Variants in UGGT2 observed in about 807,000 individuals in gnomAD.
UGGT2 encodes the protein UDP-glucose:glycoprotein glucosyltransferase 2.
In UGGT2, 180 loss-of-function variants were observed where a neutral mutation model predicts 192.1. The ratio of observed to expected loss-of-function variants is 0.94; its 90% CI spans 0.83 to 1.06. UGGT2 has a LOEUF of 1.06. Ranked by LOEUF, UGGT2 falls within the 50% of genes least tolerant of loss-of-function variation. UGGT2 has a pLI of 0.00. For synonymous variants in UGGT2, 580 were observed against 591.0 expected (o/e 0.98, Z 0.27); for missense variants, 1,849 against 1,795.7 (o/e 1.03, Z -0.54).
intron 12 of UGGT2, among the ~76,000 whole-genome samples, chr13:95,958,155 A>ATT (rs879372795): frequency 6.9e-6 from 1 of 145,688 alleles, no homozygotes; most frequent in Admixed American, 6.9e-5. Context: ...AGAAGGCAGA[A>ATT]TTTTTTTTTT....
rs2051177274 is a variant in UGGT2, at chr13:95,983,055, AG to A, written c.1092+748del. 2.0e-5 allele frequency among the ~76,000 whole-genome samples: 3 copies of A among 152,312 alleles called. No individual in the cohort carries two copies. The South Asian group carries it at 6.2e-4, about 32-fold the overall frequency. On this transcript the variant is annotated intron_variant, in intron 10 of 38. Transcript: ENST00000376747. ...GCCACTTCTCCTTTGCTTCGTTATTAGAAAAGTAAACACTAGCTTTTCTAGC... is the reference window on the plus strand; with the variant it reads ...GCCACTTCTCCTTTGCTTCGTTATTAAAAAGTAAACACTAGCTTTTCTAGC...
Position 95,884,544 on chromosome 13 carries a change from A to C in UGGT2, c.3175T>G (p.Leu1059Val), listed in dbSNP as rs1179738090. ...ILNMITPEGW[L>V]VETVHSNCDL... ...CAGTTGCTGTGCACTGTTTCAACCA[A>C]CCAGCCTTCTGGAGTAATCATGTTG... Residue 1059 changes from leucine to valine, a missense_variant, in exon 27 of 39, where the codon TTG becomes GTG. Transcript: ENST00000376747. 5 of 1,613,816 alleles carry C rather than the reference A, an allele frequency of 3.1e-6. No individual in the cohort carries two copies. Among genetic ancestry groups the C allele is most frequent in the Non-Finnish European group, 4.2e-6 (5 of 1,179,940 alleles).
chr13:96,031,143 T>C (rs912658016), intron 2 of UGGT2, among the ~76,000 whole-genome samples: 2 of 152,134 alleles, frequency 1.3e-5, no homozygotes, highest in African/African-American at 2.4e-5. Context: ...TATTTATGTG[T>C]AGGGGAAGGG....
chr13:95,913,322 T>C (rs78087692), intron 20 of UGGT2, among the ~76,000 whole-genome samples: 1 of 151,780 alleles, frequency 6.6e-6, no homozygotes, highest in East Asian at 1.9e-4. Context: ...TGGGAGAAAA[T>C]TTTTGCAATC....
chr13:96,001,268 T>C (rs568577668), intron 5 of UGGT2, among the ~76,000 whole-genome samples: 40 of 152,312 alleles, frequency 2.6e-4, no homozygotes, highest in African/African-American at 9.1e-4. Flanking sequence ...GGTCCTTGCC[T>C]TAAATGATGA....
chr13:96,002,445 G>A (rs2051837340), intron 5 of UGGT2, among the ~76,000 whole-genome samples: 2 of 152,134 alleles, frequency 1.3e-5, no homozygotes, highest in South Asian at 4.1e-4. Flanking sequence ...TAAAATTGAA[G>A]TTCTCTGAGA....
intron 38 of UGGT2, among the ~76,000 whole-genome samples, chr13:95,831,427 A>T (rs1393131271): frequency 6.6e-6 from 1 of 152,134 alleles, no homozygotes; most frequent in Non-Finnish European, 1.5e-5. Context: ...TTTAACTTAA[A>T]ATATGCTGCC....
intron 17 of UGGT2, among the ~76,000 whole-genome samples, chr13:95,932,280 C>T (rs1025079745): frequency 2.7e-5 from 4 of 149,704 alleles, no homozygotes; most frequent in African/African-American, 9.9e-5. Flanking sequence ...TCTTTCATCT[C>T]CTTAGTTAGC....
At chr13:95,854,612 T>C (rs1231651409) in intron 34 of UGGT2, 137 bp from the exon 35 acceptor site, 2 of 661,498 alleles carry the variant, frequency 3.0e-6, no homozygotes, top group African/African-American at 1.9e-5. Flanking sequence ...TCATGTAATA[T>C]GAATTTACTG....
chr13:95,914,889 G>A (rs1419884640), intron 20 of UGGT2, among the ~76,000 whole-genome samples: 2 of 151,892 alleles, frequency 1.3e-5, no homozygotes, highest in Non-Finnish European at 2.9e-5. Context: ...TGATAGTTCT[G>A]ATATAGACAT....
In UGGT2 at chr13:95,936,915, C is replaced by A; in HGVS notation, c.1977+9G>T. 1 of 1,510,266 alleles carries A rather than the reference C, an allele frequency of 6.6e-7. No homozygotes were observed. Among genetic ancestry groups the A allele is most frequent in the Non-Finnish European group, 8.8e-7 (1 of 1,133,380 alleles). The allele number at this position is 1,510,266 out of a possible 1,614,324, so 93.6% of individuals were successfully genotyped here. On this transcript the variant is annotated intron_variant, in intron 17 of 38. Transcript: ENST00000376747. ...TTCATCATGTATTTTCTTATAAATG[C>A]TTACCTACCAAAAAAACTTCTCTTT...
rs1389719053 is a variant in UGGT2 at position 95,970,274 on chromosome 13, A to G, written c.1185-12T>C. The G allele has an allele frequency of 1.9e-6, 3 of 1,578,330 alleles. No individual in the cohort carries two copies. The highest frequency in any genetic ancestry group is 1.4e-5 in the African/African-American group (1 of 72,842). On this transcript the variant is annotated splice_polypyrimidine_tract_variant and intron_variant, in intron 11 of 38. Coordinates refer to ENST00000376747, the MANE Select transcript of UGGT2 (RefSeq NM_020121.4). ...GCATATCCAAAATACTATATATTCA[A>G]AGAAAAAACAGTTTTATTTTGATTT... is the stretch of plus-strand genomic sequence containing the variant.
Position 95,940,107 on chromosome 13 carries a change from T to C in UGGT2, c.1678-16A>G, listed in dbSNP as rs1380054054. Reference sequence around the variant, plus strand: ...TTTGGTACATCTGTGAAAATTTAGATATTATAATTAATTTTCTTCTTATAG... The same window carrying C: ...TTTGGTACATCTGTGAAAATTTAGACATTATAATTAATTTTCTTCTTATAG... On this transcript the variant is annotated splice_polypyrimidine_tract_variant and intron_variant, in intron 15 of 38. Transcript: ENST00000376747. 7.0e-7 allele frequency: 1 copy of C among 1,419,638 alleles called. No individual in the cohort carries two copies. Among genetic ancestry groups the C allele is most frequent in the Non-Finnish European group, 9.4e-7 (1 of 1,058,850 alleles). 87.9% of individuals were successfully genotyped at this position (1,419,638 alleles called of 1,614,324 possible).
At chr13:95,899,358 T>C (rs1038281865) in intron 22 of UGGT2, among the ~76,000 whole-genome samples, 2 of 152,186 alleles carry the variant, frequency 1.3e-5, no homozygotes, top group African/African-American at 4.8e-5. Flanking sequence ...TCCATCAAAA[T>C]ATTAGCCCCA....
At chr13:95,927,875 A>G (rs1208906990) in intron 17 of UGGT2, among the ~76,000 whole-genome samples, 3 of 152,170 alleles carry the variant, frequency 2.0e-5, no homozygotes, top group Non-Finnish European at 4.4e-5. Context: ...CTCTTAACGA[A>G]CATGCTGCCT....
chr13:95,936,611 T>C (rs1024602817), intron 17 of UGGT2, among the ~76,000 whole-genome samples: 12 of 152,172 alleles, frequency 7.9e-5, no homozygotes, highest in Non-Finnish European at 1.5e-4. Flanking sequence ...GGCATGGAGC[T>C]GGGAAACCTC....
At chr13:95,904,538 A>G (rs2048218678) in intron 20 of UGGT2, among the ~76,000 whole-genome samples, 1 of 147,672 alleles carries the variant, frequency 6.8e-6, no homozygotes, top group Non-Finnish European at 1.5e-5. Context: ...GAGTGAGAAT[A>G]TGCGGTGTTT....
At chr13:95,921,906 C>T (rs1372569937) in intron 20 of UGGT2, among the ~76,000 whole-genome samples, 1 of 152,144 alleles carries the variant, frequency 6.6e-6, no homozygotes, top group African/African-American at 2.4e-5. Flanking sequence ...TACCATTTGA[C>T]CCAACAACTC....
chr13:95,977,670 G>A (rs1454232417), intron 10 of UGGT2, among the ~76,000 whole-genome samples: 5 of 152,146 alleles, frequency 3.3e-5, no homozygotes, highest in Non-Finnish European at 7.4e-5. Flanking sequence ...AATACCATTT[G>A]ACCCAGCAGT....
Sources: gnomAD v4.1 joint callset for allele counts (sites outside exome capture counted in the v4.1 genomes callset) on GRCh38, gnomAD v4.1.1 for gene constraint, MANE v1.5 for transcripts, NCBI Gene and HGNC (gene_info 2026-07-23, HGNC 2026-07-21) for gene names.